Variants in B3GAT2 observed in about 807,000 individuals in gnomAD.
B3GAT2 encodes the protein galactosylgalactosylxylosylprotein 3-beta-glucuronosyltransferase 2.
In B3GAT2, 26 loss-of-function variants were observed where a neutral mutation model predicts 27.8. The observed-to-expected ratio is 0.93, with a 90% CI of 0.68 to 1.30. The LOEUF is 1.30. Among genes scored for constraint, B3GAT2 ranks in the 50% most tolerant of loss-of-function variants. The probability of loss-of-function intolerance (pLI) is 0.00; values close to 1 mark genes in which losing one functional copy is unlikely to be tolerated. For missense variants in B3GAT2, 458 were observed against 459.0 expected, an observed-to-expected ratio of 1.00 and a Z score of 0.02; for synonymous variants, 218 against 195.1, an observed-to-expected ratio of 1.12 and a Z score of -0.98.
chr6:70,921,091 C>T (rs1343480934), intron 1 of B3GAT2, among the ~76,000 whole-genome samples: 3 of 152,090 alleles, frequency 2.0e-5, no homozygotes, highest in Non-Finnish European at 4.4e-5. Flanking sequence ...GAATCTGATG[C>T]CTACATGTCT....
chr6:70,868,672 T>A (rs1329804924), intron 2 of B3GAT2, among the ~76,000 whole-genome samples: 1 of 152,214 alleles, frequency 6.6e-6, no homozygotes, highest in African/African-American at 2.4e-5. Context: ...TCTTGACACA[T>A]GTTTAGTGTT....
At chr6:70,923,042 CAT>C (rs972701461) in intron 1 of B3GAT2, among the ~76,000 whole-genome samples, 13 of 152,214 alleles carry the variant, frequency 8.5e-5, no homozygotes, top group African/African-American at 3.1e-4. Context: ...TGAGTTAAAA[CAT>C]ATAAAGGACT....
At chr6:70,916,213 G>A (rs1238668817) in intron 1 of B3GAT2, among the ~76,000 whole-genome samples, 1 of 151,984 alleles carries the variant, frequency 6.6e-6, no homozygotes, top group South Asian at 2.1e-4. Context: ...TCTGTTCTTG[G>A]TGGATAGGAA....
chr6:70,921,263 A>G (rs1270473317), intron 1 of B3GAT2, among the ~76,000 whole-genome samples: 1 of 152,052 alleles, frequency 6.6e-6, no homozygotes, highest in African/African-American at 2.4e-5. Context: ...CATATTTCTC[A>G]GTGGTTTTGT....
intron 1 of B3GAT2, among the ~76,000 whole-genome samples, chr6:70,948,115 G>C (rs1765522039): frequency 1.3e-5 from 2 of 148,710 alleles, no homozygotes; most frequent in Admixed American, 1.4e-4. Context: ...CAAGCCCACA[G>C]CCAATATCAT....
At chr6:70,953,770 G>A in intron 1 of B3GAT2, among the ~76,000 whole-genome samples, 1 of 152,010 alleles carries the variant, frequency 6.6e-6, no homozygotes, top group African/African-American at 2.4e-5. Context: ...AAAGTTTTGC[G>A]TTTTTCCTTT....
chr6:70,945,875 C>T (rs1287718044), intron 1 of B3GAT2, among the ~76,000 whole-genome samples: 3 of 151,718 alleles, frequency 2.0e-5, no homozygotes, highest in South Asian at 4.2e-4. Context: ...GCCGATCTCT[C>T]GGCAGAAACT....
intron 1 of B3GAT2, among the ~76,000 whole-genome samples, chr6:70,940,270 A>T (rs1403515809): frequency 6.6e-6 from 1 of 152,166 alleles, no homozygotes; most frequent in African/African-American, 2.4e-5. Context: ...AATGTTTGCA[A>T]AAAGAGAAGC....
At chr6:70,870,631 A>AAAAC (rs559074778) in intron 2 of B3GAT2, among the ~76,000 whole-genome samples, 4,124 of 152,218 alleles carry the variant, frequency 0.027, 90 homozygotes, top group South Asian at 0.11. Context: ...AAATCTCTTA[A>AAAAC]AAACAAACAA....
At chr6:70,944,551 T>A (rs879579977) in intron 1 of B3GAT2, among the ~76,000 whole-genome samples, 16 of 152,102 alleles carry the variant, frequency 1.1e-4, no homozygotes, top group Admixed American at 3.9e-4. Context: ...CTTGCTTAGG[T>A]AAACAAAGCA....
At chr6:70,879,356 A>C (rs1249054682) in intron 2 of B3GAT2, among the ~76,000 whole-genome samples, 1 of 152,210 alleles carries the variant, frequency 6.6e-6, no homozygotes, top group Non-Finnish European at 1.5e-5. Context: ...GTGTTACAGA[A>C]AAAAACCTGA....
chr6:70,893,403 A>AT (rs1445099478), intron 2 of B3GAT2, among the ~76,000 whole-genome samples: 1 of 135,550 alleles, frequency 7.4e-6, no homozygotes, highest in Non-Finnish European at 1.7e-5. Context: ...GATGTCACCG[A>AT]ATTTTTTTTT....
chr6:70,953,986 T>C (rs1765612496), intron 1 of B3GAT2, among the ~76,000 whole-genome samples: 3 of 152,180 alleles, frequency 2.0e-5, no homozygotes, highest in Admixed American at 2.0e-4. Flanking sequence ...CCAATTCTTC[T>C]AACACCTCAC....
At chr6:70,938,696 G>C (rs910697375) in intron 1 of B3GAT2, among the ~76,000 whole-genome samples, 1 of 152,024 alleles carries the variant, frequency 6.6e-6, no homozygotes, top group Non-Finnish European at 1.5e-5. Flanking sequence ...AAACTGGCTA[G>C]CCATATGTAG....
At chr6:70,947,888 A>C (rs1396756039) in intron 1 of B3GAT2, among the ~76,000 whole-genome samples, 2 of 152,184 alleles carry the variant, frequency 1.3e-5, no homozygotes, top group East Asian at 3.8e-4. Flanking sequence ...CACCATGATC[A>C]AGTGGACTTC....
intron 1 of B3GAT2, among the ~76,000 whole-genome samples, chr6:70,937,069 T>C (rs907890904): frequency 2.6e-5 from 4 of 151,996 alleles, no homozygotes; most frequent in African/African-American, 9.7e-5. Context: ...ATAAAGGGGA[T>C]ATCACCACCG....
chr6:70,911,685 A>G (rs1233050714), intron 1 of B3GAT2, among the ~76,000 whole-genome samples: 1 of 152,140 alleles, frequency 6.6e-6, no homozygotes, highest in Non-Finnish European at 1.5e-5. Flanking sequence ...TGTGAAAAAT[A>G]TCACTGGTAG....
intron 1 of B3GAT2, among the ~76,000 whole-genome samples, chr6:70,937,978 C>T (rs10455711): frequency 0.42 from 61,845 of 148,718 alleles, 13,615 homozygotes; most frequent in East Asian, 0.68. Flanking sequence ...TGTTTGCAGA[C>T]GACATGATTG....
chr6:70,913,230 C>T (rs901184478), intron 1 of B3GAT2, among the ~76,000 whole-genome samples: 2 of 152,024 alleles, frequency 1.3e-5, no homozygotes, highest in Non-Finnish European at 2.9e-5. Flanking sequence ...TCTTGTTTTT[C>T]TAGTTCCTCT....
Sources: allele counts gnomAD v4.1 joint callset (sites outside exome capture counted in the v4.1 genomes callset), GRCh38; gene constraint gnomAD v4.1.1; transcripts MANE v1.5; gene names NCBI Gene and HGNC (gene_info 2026-07-23, HGNC 2026-07-21).